CRLF2: variants seen among roughly 807,000 people sequenced by gnomAD.
CRLF2 encodes cytokine receptor-like factor 2.
A neutral mutation model predicts 38.7 loss-of-function variants in CRLF2; 41 were observed. The observed-to-expected ratio is 1.06, with a 90% CI of 0.83 to 1.37. The LOEUF (loss-of-function observed/expected upper bound fraction) is 1.37, where lower values mean the gene tolerates loss of function less well. Ranked by LOEUF, CRLF2 falls within the 40% of genes most tolerant of loss-of-function variation. The pLI is 0.00. For missense variants in CRLF2, 377 were observed against 322.2 expected (o/e 1.17, Z -1.30); for synonymous variants, 140 against 128.8 (o/e 1.09, Z -0.59).
At chrX:1,196,741 C>T (rs376608081) in intron 6 of CRLF2, 39 bp downstream of exon 6, 2 of 1,607,152 alleles carry the variant, frequency 1.2e-6, no homozygotes, top group African/African-American at 1.3e-5. Flanking sequence ...ATTGTGCAAG[C>T]AGGTCCCTCC....
At chrX:1,191,309 CTT>C (rs2086370753) in intron 7 of CRLF2, 149 bp from the exon 8 acceptor site, 2 of 356,136 alleles carry the variant, frequency 5.6e-6, no homozygotes, top group East Asian at 3.9e-5. Context: ...TTCTTTCTTT[CTT>C]TCTTTCTTTC....
At chrX:1,199,084 G>C (rs1345288170) in intron 4 of CRLF2, 1 of 397,056 alleles carries the variant, frequency 2.5e-6, no homozygotes. Flanking sequence ...GGGAGGCGAA[G>C]GTTGTAGCAA....
At chrX:1,208,473 G>C (rs1329630769) in intron 2 of CRLF2, among the ~76,000 whole-genome samples, 5 of 152,072 alleles carry the variant, frequency 3.3e-5, no homozygotes, top group Non-Finnish European at 7.4e-5. Context: ...GCAGGGGAAT[G>C]GCTTGAACCC....
At chrX:1,193,960 CA>C (rs1462757479) in intron 6 of CRLF2, among the ~76,000 whole-genome samples, 1 of 146,816 alleles carries the variant, frequency 6.8e-6, no homozygotes, top group Non-Finnish European at 1.5e-5. Context: ...GACTCCGTCT[CA>C]AAAAAATACA....
chrX:1,196,851 A>C lies in CRLF2; in HGVS notation c.696T>G (p.Phe232Leu). 6.2e-7 allele frequency: 1 copy of C among 1,613,696 alleles called. No individual in the cohort carries two copies. Among genetic ancestry groups the C allele is most frequent in the Non-Finnish European group, 8.5e-7 (1 of 1,179,668 alleles). ...PTPPKPKLSK[F>L]ILISSLAILL... ...GGATGGCCAGGCTGGAAATTAAAAT[A>C]AATTTGGACAGCTTTGGTTTGGGAG... Residue 232 changes from phenylalanine to leucine, a missense_variant, in exon 6 of 8, where the codon TTT (phenylalanine) becomes TTG (leucine). Coordinates refer to ENST00000400841, the MANE Select transcript of CRLF2 (RefSeq NM_022148.4).
chrX:1,211,477 A>G (rs111161727), intron 1 of CRLF2, among the ~76,000 whole-genome samples: 899 of 70,622 alleles, frequency 0.013, 9 homozygotes, highest in Admixed American at 0.017. Context: ...GGGTGGATGG[A>G]TGGATGGATG....
At chrX:1,197,532 A>G (rs2086506358) in intron 5 of CRLF2, among the ~76,000 whole-genome samples, 2 of 151,900 alleles carry the variant, frequency 1.3e-5, no homozygotes, top group Non-Finnish European at 2.9e-5. Context: ...ACATACGTCA[A>G]AGGCCGGGCG....
At chrX:1,199,542 C>G (rs1471337677) in intron 4 of CRLF2, among the ~76,000 whole-genome samples, 1 of 152,068 alleles carries the variant, frequency 6.6e-6, no homozygotes, top group African/African-American at 2.4e-5. Flanking sequence ...CTCAGGTGAT[C>G]CACCCTCCTC....
At chrX:1,194,316 G>A (rs2086443178) in intron 6 of CRLF2, among the ~76,000 whole-genome samples, 1 of 151,736 alleles carries the variant, frequency 6.6e-6, no homozygotes, top group African/African-American at 2.4e-5. Context: ...ACAAAAATTA[G>A]CCGGGTGTGG....
intron 4 of CRLF2, among the ~76,000 whole-genome samples, chrX:1,200,779 A>T (rs1173860844): frequency 4.6e-5 from 7 of 152,070 alleles, no homozygotes; most frequent in African/African-American, 1.7e-4. Context: ...TAAGCTGTGT[A>T]TCTATATGTG....
chrX:1,195,070 A>G (rs1323149580), intron 6 of CRLF2, among the ~76,000 whole-genome samples: 3 of 146,746 alleles, frequency 2.0e-5, no homozygotes, highest in South Asian at 2.2e-4. Flanking sequence ...AAAATGACTC[A>G]ACCTCCCACC....
At chrX:1,208,507 C>T (rs1206844864) in intron 2 of CRLF2, among the ~76,000 whole-genome samples, 3 of 151,988 alleles carry the variant, frequency 2.0e-5, no homozygotes, top group Non-Finnish European at 4.4e-5. Flanking sequence ...TGCAGTGAGC[C>T]GAGATTGCGC....
At chrX:1,195,794 A>T (rs1290956066) in intron 6 of CRLF2, among the ~76,000 whole-genome samples, 1 of 105,442 alleles carries the variant, frequency 9.5e-6, no homozygotes, top group African/African-American at 3.5e-5. Context: ...TTTTATATAT[A>T]TTTATATATT....
chrX:1,200,849 G>T (rs1279924254), intron 4 of CRLF2, among the ~76,000 whole-genome samples: 1 of 42,822 alleles, frequency 2.3e-5, no homozygotes, highest in African/African-American at 6.9e-5. Flanking sequence ...GTACATATAT[G>T]TGTGTGTATA....
intron 3 of CRLF2, 110 bp from the exon 4 acceptor site, chrX:1,202,645 T>C: frequency 8.2e-7 from 1 of 1,213,960 alleles, no homozygotes; most frequent in Non-Finnish European, 1.1e-6. Context: ...TAATACCTTA[T>C]GGTGTCTCGG....
At position 1,212,417 on chromosome X, in the gene CRLF2, G is replaced by GAAAAA. The variant is rs1336623965; in HGVS notation, c.79+138_79+139insTTTTT. 6 of 531,670 alleles carry GAAAAA rather than the reference G, an allele frequency of 1.1e-5. No homozygotes were observed. In the African/African-American group the frequency reaches 1.7e-4, roughly 15 times the overall value. 32.9% of individuals were successfully genotyped at this position (531,670 alleles called of 1,614,324 possible). A position where few individuals can be genotyped will look rare whatever the true frequency, so the allele number is the denominator to read the frequency against. On this transcript the variant is annotated intron_variant, in intron 1 of 7. Coordinates refer to ENST00000400841, the MANE Select transcript of CRLF2 (RefSeq NM_022148.4). Reference sequence around the variant, plus strand: ...TGAGGCAGGAGAATTGCTTGAACCCGGAAAAAAAAAAAAAAAAAAAAGAAA... The same window carrying GAAAAA: ...TGAGGCAGGAGAATTGCTTGAACCCGAAAAAGAAAAAAAAAAAAAAAAAAAAGAAA...
chrX:1,202,351 C>T, intron 4 of CRLF2, 51 bp downstream of exon 4: 1 of 1,609,380 alleles, frequency 6.2e-7, no homozygotes, highest in Non-Finnish European at 8.5e-7. Context: ...ACAGCCCGCA[C>T]CTGGGGGACG....
chrX:1,209,841 C>T (rs1328964083), intron 1 of CRLF2, among the ~76,000 whole-genome samples: 2 of 151,934 alleles, frequency 1.3e-5, no homozygotes, highest in African/African-American at 2.4e-5. Context: ...CAGCGGCTCA[C>T]GTCTGTAATC....
rs1248568073 is a variant in CRLF2, at chrX:1,212,538, G to A, written c.79+18C>T. 5.7e-6 allele frequency: 9 copies of A among 1,590,390 alleles called. No homozygotes were observed. The Admixed American group carries it at 1.3e-4, about 24-fold the overall frequency. On this transcript the variant is annotated intron_variant, in intron 1 of 7. Coordinates refer to ENST00000400841, the MANE Select transcript of CRLF2 (RefSeq NM_022148.4). ...CACAAACCAAAATACAACAAGAAGA[G>A]GGTGTTTAAATAATTACCTGCTCCT...
Sources: allele counts gnomAD v4.1 joint callset (sites outside exome capture counted in the v4.1 genomes callset), GRCh38; gene constraint gnomAD v4.1.1; transcripts MANE v1.5; gene names NCBI Gene and HGNC (gene_info 2026-07-23, HGNC 2026-07-21).